Variants in PARP3 observed in about 807,000 individuals in gnomAD.
PARP3 encodes protein mono-ADP-ribosyltransferase PARP3.
A neutral mutation model predicts 58.2 loss-of-function variants in PARP3; 46 were observed. The ratio of observed to expected loss-of-function variants is 0.79; its 90% CI spans 0.62 to 1.01. The LOEUF is 1.01. PARP3 is among the 50% of genes least tolerant of loss of function. The pLI is 0.00. For missense variants in PARP3, 663 were observed against 683.9 expected, an observed-to-expected ratio of 0.97 and a Z score of 0.34; for synonymous variants, 252 against 266.4, an observed-to-expected ratio of 0.95 and a Z score of 0.53.
At position 51,947,877 on chromosome 3, in the gene PARP3, C is replaced by T. The variant is rs201544821; in HGVS notation, c.1414C>T (p.Arg472Ter). ...TCCTGGCTTCGACAGTGTCATTGCC[C>T]GAGGCCACACCGAGCCTGGTGAGTC... ...PPPGFDSVIA[R>*]GHTEPDPTQD... The change falls in exon 10 of 11, where the codon CGA becomes TGA. Residue 472 changes from arginine (R) to a stop codon, truncating the protein, a stop_gained. Coordinates refer to ENST00000398755, the MANE Select transcript of PARP3 (RefSeq NM_001003931.4). LOFTEE classifies it high-confidence loss of function. 32 of 1,613,900 alleles carry T rather than the reference C, an allele frequency of 2.0e-5. No individual in the cohort carries two copies. The highest frequency in any genetic ancestry group is 5.5e-5 in the South Asian group (5 of 91,078).
Position 51,946,468 on chromosome 3 carries a change from G to A in PARP3, c.1276+125G>A. 1 of 785,326 alleles carries A rather than the reference G, an allele frequency of 1.3e-6. No individual in the cohort carries two copies. Among genetic ancestry groups the A allele is most frequent in the Non-Finnish European group, 2.0e-6 (1 of 504,216 alleles). 48.6% of individuals were successfully genotyped at this position (785,326 alleles called of 1,614,324 possible). The stretch of plus-strand genomic sequence containing the variant: ...AATCCTTTAATGGTTAATGACTACA[G>A]TGCTCAGTGGGCTGTCCTGGGCTTT... On this transcript the variant is annotated intron_variant, in intron 9 of 10. Transcript: ENST00000398755. This position sits in a 1 kb window ranked among gnomAD's most constrained non-coding sequence, Gnocchi z 4.6.
chr3:51,948,234 C>T, intron 10 of PARP3, 77 bp from the exon 11 acceptor site: 1 of 1,385,492 alleles, frequency 7.2e-7, no homozygotes, highest in South Asian at 1.3e-5. Flanking sequence ...ACATGGAGAG[C>T]ATAGGGGGCA....
intron 1 of PARP3, chr3:51,943,085 G>A (rs1699583203): frequency 2.2e-5 from 29 of 1,314,228 alleles, no homozygotes; most frequent in Non-Finnish European, 2.9e-5. Context: ...AGACCCTGTT[G>A]ACCAGAGTGG....
chr3:51,946,127 G>T lies in PARP3; in HGVS notation c.1099-39G>T. 1 of 1,548,704 alleles carries T rather than the reference G, an allele frequency of 6.5e-7. No homozygotes were observed. On this transcript the variant is annotated intron_variant, in intron 8 of 10. Coordinates refer to ENST00000398755, the MANE Select transcript of PARP3 (RefSeq NM_001003931.4). The surrounding 1 kb of genome is among the most constrained non-coding windows in gnomAD (Gnocchi z 4.6). ...GCAGGGCAAGGCGACTGAGTGCTCG[G>T]GTGGCATCACTCCCATTTCTCACTT...
At chr3:51,943,573 C>CCTG in intron 2 of PARP3, 35 bp downstream of exon 2, 1 of 1,574,022 alleles carries the variant, frequency 6.4e-7, no homozygotes, top group East Asian at 2.3e-5. Flanking sequence ...CCAGAGCCTG[C>CCTG]CCACTGATAA....
At chr3:51,943,895 A>G (rs1382041276) in intron 2 of PARP3, among the ~76,000 whole-genome samples, 194 bp from the exon 3 acceptor site, 1 of 93,846 alleles carries the variant, frequency 1.1e-5, no homozygotes, top group Admixed American at 1.2e-4. Flanking sequence ...CCATACCTCC[A>G]TGTCAGGGTT....
At chr3:51,943,956 C>T (rs943532272) in intron 2 of PARP3, 133 bp from the exon 3 acceptor site, 1 of 783,000 alleles carries the variant, frequency 1.3e-6, no homozygotes, top group Non-Finnish European at 2.1e-6. Flanking sequence ...GTGACCCCCC[C>T]AAGCTTCCAA....
Position 51,944,532 on chromosome 3 carries a change from T to G in PARP3, c.455T>G (p.Leu152Arg). The G allele has an allele frequency of 6.2e-7, 1 of 1,614,146 alleles. No individual in the cohort carries two copies. The highest frequency in any genetic ancestry group is 8.5e-7 in the Non-Finnish European group (1 of 1,180,008). Residue 152 changes from leucine (L) to arginine (R), a missense_variant, in exon 4 of 11, where the codon CTT becomes CGT. By Grantham distance (102) the Leu-to-Arg change is moderately radical. Transcript: ENST00000398755. This position sits in a 1 kb window ranked among gnomAD's most constrained non-coding sequence, Gnocchi z 4.2. ...HFVSHPGKYT[L>R]IEVQAEDEAQ... is the part of the protein sequence containing the mutation. ...GTGTCTCACCCGGGCAAGTACACAC[T>G]TATCGAAGTACAGGCAGAGGATGAG... is the stretch of plus-strand genomic sequence containing the variant.
Position 51,944,626 on chromosome 3 carries a change from C to T in PARP3, c.501+48C>T. 6.3e-7 allele frequency: 1 copy of T among 1,598,132 alleles called. No individual in the cohort carries two copies. Among genetic ancestry groups the T allele is most frequent in the Non-Finnish European group, 8.6e-7 (1 of 1,168,846 alleles). ...GCAGGCCCTGGACTGAGGGAGGGGA[C>T]TCGTTGGAGAGTTCCCGCTGGTTGG... On this transcript the variant is annotated intron_variant, in intron 4 of 10. Coordinates refer to ENST00000398755, the MANE Select transcript of PARP3 (RefSeq NM_001003931.4). This position sits in a 1 kb window ranked among gnomAD's most constrained non-coding sequence, Gnocchi z 4.2.
rs779163453 is a variant in PARP3, at chr3:51,944,455, GA to G, written c.380del (p.Lys127ArgfsTer40). 6.2e-6 allele frequency: 10 copies of G among 1,614,176 alleles called. No individual in the cohort carries two copies. Among genetic ancestry groups the G allele is most frequent in the African/African-American group, 1.3e-5 (1 of 75,072 alleles). Reference protein sequence around the residue: ...RLEDAKKDFEKKFREKTKNNW... With the variant: ...RLEDAKKDFEXKFREKTKNNW... ...TAGAAGATGCAAAGAAGGACTTTGA[GA>G]AGAAATTTCGGGAAAAGACCAAGAA... On this transcript the variant is annotated frameshift_variant, in exon 4 of 11. Transcript: ENST00000398755. LOFTEE classifies it high-confidence loss of function. This position sits in a 1 kb window ranked among gnomAD's most constrained non-coding sequence, Gnocchi z 4.2.
chr3:51,945,247 G>T, intron 6 of PARP3, 23 bp downstream of exon 6: 1 of 1,604,194 alleles, frequency 6.2e-7, no homozygotes, highest in Non-Finnish European at 8.5e-7. Flanking sequence ...AGGGGTGCGG[G>T]CAGGCAGTGG....
At chr3:51,945,757 C>G (rs1394525543) in intron 7 of PARP3, 96 bp from the exon 8 acceptor site, 14 of 1,526,278 alleles carry the variant, frequency 9.2e-6, no homozygotes, top group Non-Finnish European at 1.2e-5. Flanking sequence ...TCCTGTGTCT[C>G]CAGGGCCTGA....
In PARP3 at chr3:51,943,976, C is replaced by T. The variant is rs1234497699; in HGVS notation, c.184-113C>T. On this transcript the variant is annotated intron_variant, in intron 2 of 10. Transcript: ENST00000398755. The stretch of plus-strand genomic sequence containing the variant: ...CCCCCCAAGCTTCCAAGACAGGGTC[C>T]CTCTGACTCCCACTGCCGTCAGACT... The T allele has an allele frequency of 4.1e-6, 4 of 971,492 alleles. No individual in the cohort carries two copies. The East Asian group carries it at 9.6e-5, about 23-fold the overall frequency. The allele number at this position is 971,492 out of a possible 1,614,324, so 60.2% of individuals were successfully genotyped here. A position where few individuals can be genotyped will look rare whatever the true frequency, so the allele number is the denominator to read the frequency against.
Position 51,944,278 on chromosome 3 carries a change from A to C in PARP3, c.312+61A>C, listed in dbSNP as rs1413874424. 3 of 1,609,494 alleles carry C rather than the reference A, an allele frequency of 1.9e-6. No individual in the cohort carries two copies. The highest frequency in any genetic ancestry group is 2.5e-6 in the Non-Finnish European group (3 of 1,177,462). On this transcript the variant is annotated intron_variant, in intron 3 of 10. Transcript: ENST00000398755. The surrounding 1 kb of genome is among the most constrained non-coding windows in gnomAD (Gnocchi z 4.2). ...GGTCCTCAAAAGGCCACAGCTACTG[A>C]CTTGGGGGGGCACCTCCCAACTGTC...
At chr3:51,945,666 G>A (rs1699660163) in intron 7 of PARP3, 22 bp downstream of exon 7, 2 of 1,612,776 alleles carry the variant, frequency 1.2e-6, no homozygotes, top group Admixed American at 3.3e-5. Flanking sequence ...CCCACAGAGG[G>A]GCCAGGCTAT....
In PARP3 at chr3:51,945,093, A is replaced by G. The variant is rs375713100; in HGVS notation, c.730A>G (p.Thr244Ala). 16 of 1,614,136 alleles carry G rather than the reference A, an allele frequency of 9.9e-6. No homozygotes were observed. In the African/African-American group the frequency reaches 1.2e-4, roughly 12 times the overall value. ...GCTGGAGGAGGCCCTGAAAGGCCCC[A>G]CGGATGGTGGCCAAAGCCTGGAGGA... ...EALEEALKGP[T>A]DGGQSLEELS... The change falls in exon 6 of 11, where the codon ACG becomes GCG. Residue 244 changes from threonine (T) to alanine (A), a missense_variant. Around this residue, in one of 3 missense-constraint regions of PARP3, gnomAD observed 567 missense variants for 553.6 expected, o/e 1.02. Transcript: ENST00000398755.
In PARP3 at chr3:51,944,530, A is replaced by T. The variant is rs1469276316; in HGVS notation, c.453A>T (p.Thr151=). Residue 151 remains threonine, a synonymous_variant, in exon 4 of 11, where the codon ACA becomes ACT. Coordinates refer to ENST00000398755, the MANE Select transcript of PARP3 (RefSeq NM_001003931.4). The surrounding 1 kb of genome is among the most constrained non-coding windows in gnomAD (Gnocchi z 4.2). ...DHFVSHPGKY[T]LIEVQAEDEA... ...TTGTGTCTCACCCGGGCAAGTACAC[A>T]CTTATCGAAGTACAGGCAGAGGATG... 1.2e-6 allele frequency: 2 copies of T among 1,614,090 alleles called. No homozygotes were observed. Among genetic ancestry groups the T allele is most frequent in the Non-Finnish European group, 1.7e-6 (2 of 1,180,040 alleles).
chr3:51,945,570 C>A lies in PARP3; in HGVS notation c.937C>A (p.His313Asn). ...GGAGAAGACGGTGGAGGAGGTGCCA[C>A]ACCCCCTGGACCGAGACTACCAGCT... ...EQEKTVEEVP[H>N]PLDRDYQLLK... Residue 313 changes from histidine (H) to asparagine (N), a missense_variant, in exon 7 of 11, where the codon CAC becomes AAC. Physicochemically the swap from His to Asn is moderately conservative, Grantham distance 68. Around this residue, in one of 3 missense-constraint regions of PARP3, gnomAD observed 567 missense variants for 553.6 expected, o/e 1.02. Transcript: ENST00000398755. 1 of 1,613,908 alleles carries A rather than the reference C, an allele frequency of 6.2e-7. No homozygotes were observed. Among genetic ancestry groups the A allele is most frequent in the Non-Finnish European group, 8.5e-7 (1 of 1,180,006 alleles).
chr3:51,943,232 G>A (rs1699585313), intron 1 of PARP3, 122 bp from the exon 2 acceptor site: 1 of 1,128,488 alleles, frequency 8.9e-7, no homozygotes, highest in Non-Finnish European at 1.2e-6. Context: ...CCACCGAAGG[G>A]CCAACCCGGG....
Sources: allele counts gnomAD v4.1 joint callset (sites outside exome capture counted in the v4.1 genomes callset), GRCh38; gene constraint gnomAD v4.1.1; regional missense constraint gnomAD v4.1.1; non-coding constraint Gnocchi (gnomAD v3.1); transcripts MANE v1.5; gene names NCBI Gene and HGNC (gene_info 2026-07-23, HGNC 2026-07-21).